VAMP7: variants seen among roughly 807,000 people sequenced by gnomAD.
The protein encoded by VAMP7 is vesicle associated membrane protein 7, also known as vesicle-associated membrane protein 7.
In VAMP7, 14 loss-of-function variants were observed where a neutral mutation model predicts 29.6. The ratio of observed to expected loss-of-function variants is 0.47; its 90% CI spans 0.31 to 0.74. The LOEUF (loss-of-function observed/expected upper bound fraction) is 0.74. Among genes scored for constraint, VAMP7 ranks in the 30% least tolerant of loss-of-function variants. VAMP7 has a pLI of 0.05. For missense variants in VAMP7, 223 were observed against 262.4 expected, an observed-to-expected ratio of 0.85 and a Z score of 1.04; for synonymous variants, 95 against 88.1, an observed-to-expected ratio of 1.08 and a Z score of -0.44.
At chrX:155,886,356 G>T (rs1378611606) in intron 1 of VAMP7, among the ~76,000 whole-genome samples, 3 of 152,120 alleles carry the variant, frequency 2.0e-5, no homozygotes, top group Non-Finnish European at 2.9e-5. Flanking sequence ...CAGAGAGGAA[G>T]GAATTCCTAT....
intron 1 of VAMP7, among the ~76,000 whole-genome samples, chrX:155,882,419 G>A (rs2065813576): frequency 6.6e-6 from 1 of 152,200 alleles, no homozygotes; most frequent in South Asian, 2.1e-4. Context: ...CCTATCCTAA[G>A]AAAGTCAGAG....
chrX:155,931,619 G>C (rs1393262076), intron 6 of VAMP7, among the ~76,000 whole-genome samples: 1 of 152,156 alleles, frequency 6.6e-6, no homozygotes, highest in Non-Finnish European at 1.5e-5. Context: ...TTAGCCCTTT[G>C]TCAGATGAGT....
intron 5 of VAMP7, among the ~76,000 whole-genome samples, chrX:155,909,276 A>G (rs1397697924): frequency 2.0e-5 from 3 of 152,128 alleles, no homozygotes; most frequent in South Asian, 2.1e-4. Flanking sequence ...ACTCCTGTTT[A>G]TAGAATTCCC....
intron 5 of VAMP7, among the ~76,000 whole-genome samples, chrX:155,918,951 T>C (rs1417248877): frequency 6.6e-6 from 1 of 152,210 alleles, no homozygotes; most frequent in African/African-American, 2.4e-5. Flanking sequence ...TGGTGTATTA[T>C]CTTTTTGATG....
At chrX:155,887,838 G>A (rs868763782) in intron 1 of VAMP7, among the ~76,000 whole-genome samples, 4 of 151,866 alleles carry the variant, frequency 2.6e-5, no homozygotes, top group South Asian at 4.2e-4. Flanking sequence ...GGCTGAGGTA[G>A]GAGGATCACT....
chrX:155,900,079 C>T (rs1393448223), intron 4 of VAMP7, among the ~76,000 whole-genome samples: 1 of 151,876 alleles, frequency 6.6e-6, no homozygotes, highest in African/African-American at 2.4e-5. Flanking sequence ...GCTGGGCCAG[C>T]CCCTACCTCA....
intron 6 of VAMP7, among the ~76,000 whole-genome samples, chrX:155,923,712 T>A (rs2066428429): frequency 6.6e-6 from 1 of 152,080 alleles, no homozygotes. Context: ...TTTCATCAAA[T>A]TATGAAAATG....
intron 6 of VAMP7, among the ~76,000 whole-genome samples, chrX:155,935,959 G>T (rs1196093239): frequency 2.0e-5 from 3 of 152,120 alleles, no homozygotes; most frequent in Admixed American, 2.0e-4. Flanking sequence ...GTTTGTCGGA[G>T]GGCCACTCCA....
At chrX:155,905,765 G>T (rs1392184236) in intron 5 of VAMP7, among the ~76,000 whole-genome samples, 1 of 152,084 alleles carries the variant, frequency 6.6e-6, no homozygotes, top group East Asian at 1.9e-4. Context: ...TTATCTTTAT[G>T]CCAGTACCAG....
At chrX:155,912,910 G>A (rs1342093679) in intron 5 of VAMP7, among the ~76,000 whole-genome samples, 2 of 152,060 alleles carry the variant, frequency 1.3e-5, no homozygotes, top group African/African-American at 2.4e-5. Context: ...GGTATTTCTG[G>A]TTCTAGATCC....
At chrX:155,928,042 G>A (rs1221886612) in intron 6 of VAMP7, among the ~76,000 whole-genome samples, 2 of 151,532 alleles carry the variant, frequency 1.3e-5, no homozygotes, top group Non-Finnish European at 2.9e-5. Flanking sequence ...CCTTGCCTCA[G>A]CCTCCCAAGT....
intron 6 of VAMP7, among the ~76,000 whole-genome samples, chrX:155,934,657 T>C (rs2066619416): frequency 6.6e-6 from 1 of 152,300 alleles, no homozygotes; most frequent in East Asian, 1.9e-4. Flanking sequence ...TTTATCTAAT[T>C]TGCCAGTCTG....
chrX:155,914,970 C>T (rs1325035514), intron 5 of VAMP7, among the ~76,000 whole-genome samples: 2 of 152,230 alleles, frequency 1.3e-5, no homozygotes, highest in East Asian at 3.9e-4. Context: ...TGGTGGAATT[C>T]AGCTGTGAAT....
At chrX:155,898,387 G>A (rs1347801038) in intron 4 of VAMP7, 138 bp downstream of exon 4, 5 of 1,149,234 alleles carry the variant, frequency 4.4e-6, no homozygotes, top group South Asian at 2.1e-5. Flanking sequence ...AAACTTCCCT[G>A]ATTAAAAAAA....
chrX:155,906,873 A>G (rs1301543129), intron 5 of VAMP7, among the ~76,000 whole-genome samples: 1 of 152,184 alleles, frequency 6.6e-6, no homozygotes, highest in Non-Finnish European at 1.5e-5. Context: ...AAGAGTGGAC[A>G]TCATTGTCTT....
At chrX:155,941,436 C>A (rs2066742295) in intron 7 of VAMP7, among the ~76,000 whole-genome samples, 2 of 151,972 alleles carry the variant, frequency 1.3e-5, no homozygotes, top group South Asian at 2.1e-4. Flanking sequence ...TAGATGAAAG[C>A]CTTCTACTCA....
At chrX:155,907,102 A>T (rs1000888290) in intron 5 of VAMP7, among the ~76,000 whole-genome samples, 5 of 151,948 alleles carry the variant, frequency 3.3e-5, no homozygotes, top group Non-Finnish European at 7.4e-5. Flanking sequence ...ATAACAATTG[A>T]TTTTCAGATA....
intron 1 of VAMP7, among the ~76,000 whole-genome samples, chrX:155,887,669 C>G (rs2065880166): frequency 6.6e-6 from 1 of 152,232 alleles, no homozygotes. Flanking sequence ...TGGCTCATGC[C>G]TGTAATCCCA....
intron 5 of VAMP7, among the ~76,000 whole-genome samples, chrX:155,901,566 A>G (rs1366015781): frequency 1.3e-5 from 2 of 152,070 alleles, no homozygotes; most frequent in Non-Finnish European, 2.9e-5. Flanking sequence ...TAAGGAAGGG[A>G]TCCAGTTTCA....
Sources: allele counts gnomAD v4.1 joint callset (sites outside exome capture counted in the v4.1 genomes callset), GRCh38; gene constraint gnomAD v4.1.1; transcripts MANE v1.5; gene names NCBI Gene and HGNC (gene_info 2026-07-23, HGNC 2026-07-21).